FRMD6: variants seen among roughly 807,000 people sequenced by gnomAD.
FRMD6 encodes FERM domain-containing protein 6.
In FRMD6, 37 loss-of-function variants were observed where a neutral mutation model predicts 73.2. The observed-to-expected ratio is 0.51, with a 90% confidence interval of 0.39 to 0.66. The LOEUF is 0.66. FRMD6 is among the 30% of genes least tolerant of loss of function. The pLI is 0.00. For missense variants in FRMD6, 714 were observed against 780.5 expected (o/e 0.91, Z 1.02); for synonymous variants, 273 against 282.2 (o/e 0.97, Z 0.33).
At chr14:51,552,403 A>C (rs764505739) in intron 1 of FRMD6, among the ~76,000 whole-genome samples, 1 of 152,242 alleles carries the variant, frequency 6.6e-6, no homozygotes, top group Non-Finnish European at 1.5e-5. Flanking sequence ...AAACAGTTAC[A>C]AGAGGGACGA....
the FRMD6 span, among the ~76,000 whole-genome samples, chr14:51,408,053 G>A: frequency 6.6e-6 from 1 of 151,698 alleles, no homozygotes; most frequent in East Asian, 1.9e-4. Context: ...TGACTAGGTT[G>A]TCTTAATCTA....
intron 1 of FRMD6, among the ~76,000 whole-genome samples, chr14:51,555,343 A>G (rs932097617): frequency 1.3e-5 from 2 of 152,196 alleles, no homozygotes; most frequent in Non-Finnish European, 2.9e-5. Context: ...GTCTGTACCA[A>G]ATTTAAAACA....
chr14:51,487,293 T>G (rs1016767499), upstream of FRMD6, among the ~76,000 whole-genome samples: 15 of 152,242 alleles, frequency 9.9e-5, no homozygotes, highest in African/African-American at 3.6e-4. Context: ...TATTTTTGGT[T>G]TATTGTATTT....
chr14:51,472,004 T>G, the FRMD6 span, among the ~76,000 whole-genome samples: 5 of 152,206 alleles, frequency 3.3e-5, no homozygotes, highest in Non-Finnish European at 7.3e-5. Context: ...GGTGCCATCT[T>G]AGGGGCAGAC....
intron 2 of FRMD6, among the ~76,000 whole-genome samples, chr14:51,618,039 G>A (rs1283469619): frequency 1.3e-5 from 2 of 152,136 alleles, no homozygotes; most frequent in African/African-American, 4.8e-5. Flanking sequence ...TATGAGTGAA[G>A]TTAGGCATTA....
the FRMD6 span, among the ~76,000 whole-genome samples, chr14:51,432,723 T>A: frequency 3.3e-5 from 5 of 152,152 alleles, no homozygotes; most frequent in Admixed American, 3.3e-4. Flanking sequence ...CCAACCAAAC[T>A]GCAGTACTGA....
intron 9 of FRMD6, among the ~76,000 whole-genome samples, chr14:51,713,238 A>G (rs1053121445): frequency 2.6e-5 from 4 of 152,136 alleles, no homozygotes; most frequent in African/African-American, 4.8e-5. Flanking sequence ...TGAGCAGATC[A>G]CCTGAGGTCA....
intron 2 of FRMD6, among the ~76,000 whole-genome samples, chr14:51,606,646 C>T (rs1275972090): frequency 6.6e-6 from 1 of 152,120 alleles, no homozygotes; most frequent in African/African-American, 2.4e-5. Flanking sequence ...TAGTTGGGGT[C>T]CTCCAGAGAG....
At position 51,725,710 on chromosome 14, in the gene FRMD6, CAG is replaced by C. The variant is rs946169413; in HGVS notation, c.1493-67_1493-66del. ...TTTTTCATTCCTGATAGCAATATGT[CAG>C]AATATATGGCAAGAGGTGTGAATAA... is the stretch of plus-strand genomic sequence containing the variant. On this transcript the variant is annotated intron_variant, in intron 12 of 13. Coordinates refer to ENST00000344768, the MANE Select transcript of FRMD6 (RefSeq NM_001267046.2). 4.0e-5 allele frequency: 47 copies of C among 1,165,588 alleles called. 1 individual carries two copies. In the South Asian group the frequency reaches 5.9e-4, roughly 15 times the overall value. 72.2% of individuals were successfully genotyped at this position (1,165,588 alleles called of 1,614,324 possible).
Position 51,646,468 on chromosome 14 carries a change from C to T in FRMD6, c.-146-43223C>T, listed in dbSNP as rs546397590. On this transcript the variant is annotated intron_variant, in intron 2 of 14. Coordinates refer to the FRMD6 transcript ENST00000356218. The stretch of plus-strand genomic sequence containing the variant: ...CCTGAGACATAAGTCAAAGAGTAAC[C>T]AGTCTGTCACCAGATAGATTGCTGC... Among the ~76,000 whole-genome samples, 4 of 151,944 alleles carry T rather than the reference C, an allele frequency of 2.6e-5. No homozygotes were observed. The South Asian group carries it at 8.3e-4, about 32-fold the overall frequency.
chr14:51,615,690 T>C (rs748979159), intron 2 of FRMD6, among the ~76,000 whole-genome samples: 2 of 152,110 alleles, frequency 1.3e-5, no homozygotes, highest in Non-Finnish European at 2.9e-5. Context: ...GAGCTGATAT[T>C]TGAAAGGAGA....
intron 1 of FRMD6, among the ~76,000 whole-genome samples, chr14:51,522,281 T>G (rs922988546): frequency 2.0e-5 from 3 of 152,174 alleles, no homozygotes; most frequent in Non-Finnish European, 4.4e-5. Context: ...TCAAAATTTT[T>G]GGGTTATGAA....
chr14:51,526,220 T>C (rs1213824250), intron 1 of FRMD6, among the ~76,000 whole-genome samples: 1 of 152,192 alleles, frequency 6.6e-6, no homozygotes, highest in Non-Finnish European at 1.5e-5. Flanking sequence ...GTACTTGGCA[T>C]TCACTCAATG....
chr14:51,690,044 T>G (rs1192443538), intron 2 of FRMD6, 109 bp downstream of exon 2: 3 of 764,194 alleles, frequency 3.9e-6, no homozygotes, highest in Admixed American at 4.0e-5. Flanking sequence ...AGGGCAGTAA[T>G]CATGTGGCAG....
intron 1 of FRMD6, among the ~76,000 whole-genome samples, chr14:51,529,332 C>G (rs1020850822): frequency 6.6e-6 from 1 of 152,218 alleles, no homozygotes; most frequent in African/African-American, 2.4e-5. Context: ...ATGAAAATGC[C>G]TATCTACTTT....
chr14:51,603,407 T>C (rs765961746), intron 2 of FRMD6, among the ~76,000 whole-genome samples: 5 of 152,204 alleles, frequency 3.3e-5, no homozygotes, highest in Non-Finnish European at 5.9e-5. Context: ...CTTTCAGATA[T>C]GTTGTATCTG....
At chr14:51,583,871 GA>G (rs1473498580) in intron 2 of FRMD6, among the ~76,000 whole-genome samples, 30 of 152,160 alleles carry the variant, frequency 2.0e-4, no homozygotes, top group Admixed American at 5.2e-4. Context: ...GAGGTTTTAG[GA>G]AGCAAGAATA....
chr14:51,721,753 A>AGGAAGGAGGGAAGGGAAGGAG lies in FRMD6; in HGVS notation c.1361-182_1361-181insGAAGGAGGGAAGGAGGGAAGG, dbSNP rs1555340786. Among the ~76,000 whole-genome samples the AGGAAGGAGGGAAGGGAAGGAG allele has an allele frequency of 3.2e-4, 35 of 108,780 alleles. 2 individuals carry two copies. The East Asian group carries it at 5.4e-3, about 17-fold the overall frequency. 71.4% of individuals were successfully genotyped at this position (108,780 alleles called of 152,430 possible). On this transcript the variant is annotated intron_variant, in intron 11 of 13. Coordinates refer to ENST00000344768, the MANE Select transcript of FRMD6 (RefSeq NM_001267046.2). ...AAGGGAGGGAGGAAGGAAGGGAGGA[A>AGGAAGGAGGGAAGGGAAGGAG]GGAAGGAGGGAAGGAGGGAAGGAGT...
At chr14:51,398,583 A>G in the FRMD6 span, among the ~76,000 whole-genome samples, 1 of 152,078 alleles carries the variant, frequency 6.6e-6, no homozygotes, top group African/African-American at 2.4e-5. Flanking sequence ...ATATTTCACC[A>G]TCTCACTAGA....
Sources: allele counts gnomAD v4.1 joint callset (sites outside exome capture counted in the v4.1 genomes callset), GRCh38; gene constraint gnomAD v4.1.1; transcripts MANE v1.5; gene names NCBI Gene and HGNC (gene_info 2026-07-23, HGNC 2026-07-21).